Variants in UTP6 observed in about 807,000 individuals in gnomAD.
UTP6 encodes U3 small nucleolar RNA-associated protein 6 homolog.
In UTP6, 60 loss-of-function variants were observed where a neutral mutation model predicts 96.5. The observed-to-expected ratio is 0.62, with a 90% CI of 0.51 to 0.77. UTP6 has a LOEUF of 0.77. Ranked by LOEUF, UTP6 falls within the 30% of genes least tolerant of loss-of-function variation. The pLI, the probability that UTP6 is intolerant of heterozygous loss-of-function variation, is 0.00. For synonymous variants in UTP6, 215 were observed against 240.1 expected (o/e 0.90, Z 0.96); for missense variants, 637 against 706.5 (o/e 0.90, Z 1.12).
chr17:31,865,423 C>T lies in UTP6; in HGVS notation c.1579G>A (p.Ala527Thr). 1 of 1,613,956 alleles carries T rather than the reference C, an allele frequency of 6.2e-7. No individual in the cohort carries two copies. ...FEKEQESCNM[A>T]NIREYYERAL... ...CTCTCATAATATTCTCTTATGTTCG[C>T]CATATTGCAGGATTCCTGACAAAGA... Residue 527 changes from alanine to threonine, a missense_variant, in exon 18 of 19, where the codon GCG (alanine) becomes ACG (threonine). Coordinates refer to ENST00000261708, the MANE Select transcript of UTP6 (RefSeq NM_018428.3).
intron 16 of UTP6, among the ~76,000 whole-genome samples, chr17:31,871,403 C>G (rs1240587647): frequency 6.6e-6 from 1 of 152,088 alleles, no homozygotes; most frequent in African/African-American, 2.4e-5. Context: ...GATTAGAGGC[C>G]TTGAACCACC....
chr17:31,863,538 A>C (rs1909645623), intron 18 of UTP6, 22 bp from the exon 19 acceptor site: 1 of 1,581,888 alleles, frequency 6.3e-7, no homozygotes, highest in Admixed American at 1.8e-5. Context: ...AAAACATACA[A>C]TTAGATAACT....
chr17:31,866,270 G>C (rs1188005873), intron 17 of UTP6, among the ~76,000 whole-genome samples: 1 of 138,318 alleles, frequency 7.2e-6, no homozygotes, highest in Non-Finnish European at 1.5e-5. Context: ...CTGGGCGACA[G>C]AGCGAGACTC....
intron 2 of UTP6, among the ~76,000 whole-genome samples, chr17:31,898,941 A>T (rs1204488835): frequency 6.6e-6 from 1 of 151,884 alleles, no homozygotes; most frequent in Non-Finnish European, 1.5e-5. Context: ...ATGAGACTTG[A>T]GAATCACTAG....
chr17:31,892,637 T>G, intron 5 of UTP6, 110 bp downstream of exon 5: 1 of 1,349,786 alleles, frequency 7.4e-7, no homozygotes, highest in South Asian at 1.3e-5. Flanking sequence ...TCTTGGGTTC[T>G]TTTTTCATGT....
chr17:31,872,853 C>T lies in UTP6; in HGVS notation c.1496+525G>A, dbSNP rs537684681. The stretch of plus-strand genomic sequence containing the variant: ...GTCTCTACTAAATTACAAAATTAGC[C>T]GGGCGTGGTGTCACACATCTGTAAT... On this transcript the variant is annotated intron_variant, in intron 16 of 18. Transcript: ENST00000261708. 3.1e-4 allele frequency among the ~76,000 whole-genome samples: 46 copies of T among 148,524 alleles called. No homozygotes were observed. In the East Asian group the frequency reaches 7.9e-3, roughly 26 times the overall value.
At position 31,875,241 on chromosome 17, in the gene UTP6, T is replaced by A; in HGVS notation, c.1298A>T (p.Lys433Ile). The A allele has an allele frequency of 6.2e-7, 1 of 1,613,994 alleles. No individual in the cohort carries two copies. The highest frequency in any genetic ancestry group is 8.5e-7 in the Non-Finnish European group (1 of 1,179,978). ...MLFEEAFVHL[K>I]PQVCLPLWIS... ...AAGATCCAGCTCACTGACCTGGGGT[T>A]TCAGGTGCACAAAGGCTTCTTCAAA... is the stretch of plus-strand genomic sequence containing the variant. Residue 433 changes from lysine to isoleucine, a missense_variant, in exon 14 of 19, where the codon AAA (lysine) becomes ATA (isoleucine). Physicochemically the swap from Lys to Ile is moderately radical, Grantham distance 102 (BLOSUM62 -3). Coordinates refer to ENST00000261708, the MANE Select transcript of UTP6 (RefSeq NM_018428.3).
At position 31,878,575 on chromosome 17, in the gene UTP6, GGAGA is replaced by G. The variant is rs539191760; in HGVS notation, c.1047+123_1047+126del. 46 of 944,042 alleles carry G rather than the reference GGAGA, an allele frequency of 4.9e-5. No individual in the cohort carries two copies. The East Asian group carries it at 9.3e-4, about 19-fold the overall frequency. 58.5% of individuals were successfully genotyped at this position (944,042 alleles called of 1,614,324 possible). A position where few individuals can be genotyped will look rare whatever the true frequency, so the allele number is the denominator to read the frequency against. Reference sequence around the variant, plus strand: ...CTTTAGAATGTCACGTCACCCACAAGGAGAGAGAGAGTGGCTAAACATAAAAGTT... The same window carrying G: ...CTTTAGAATGTCACGTCACCCACAAGGAGAGAGTGGCTAAACATAAAAGTT... On this transcript the variant is annotated intron_variant, in intron 12 of 18. Transcript: ENST00000261708.
intron 10 of UTP6, among the ~76,000 whole-genome samples, chr17:31,883,870 T>C (rs1910984392): frequency 2.1e-5 from 2 of 97,048 alleles, no homozygotes; most frequent in African/African-American, 3.5e-5. Context: ...GGTTTCACCG[T>C]GTTGCCTAGG....
chr17:31,901,472 G>T, intron 1 of UTP6, 64 bp downstream of exon 1: 2 of 1,511,450 alleles, frequency 1.3e-6, no homozygotes, highest in Non-Finnish European at 1.8e-6. Context: ...TCTAGCCCCT[G>T]CCACACACTC....
At chr17:31,876,224 A>G (rs1488513276) in intron 13 of UTP6, among the ~76,000 whole-genome samples, 1 of 151,852 alleles carries the variant, frequency 6.6e-6, no homozygotes, top group African/African-American at 2.4e-5. Flanking sequence ...TTTAGTAGAA[A>G]TGGGGTTTCA....
chr17:31,901,033 T>A (rs1211392465), intron 1 of UTP6, among the ~76,000 whole-genome samples: 1 of 152,190 alleles, frequency 6.6e-6, no homozygotes, highest in African/African-American at 2.4e-5. Context: ...CTACTGAATG[T>A]CTACCATGTG....
rs1466265665 is a variant in UTP6 at position 31,892,459 on chromosome 17, G to A, written c.361-136C>T. The A allele has an allele frequency of 3.0e-5, 28 of 937,850 alleles. 1 individual carries two copies. Among genetic ancestry groups the A allele is most frequent in the South Asian group, 8.1e-5 (5 of 61,360 alleles). 58.1% of individuals were successfully genotyped at this position (937,850 alleles called of 1,614,324 possible). ...ATGCTATTGCTAGGGATATATAAAC[G>A]AACACAGACCCTCAAAATTTTCTAC... On this transcript the variant is annotated intron_variant, in intron 5 of 18. Transcript: ENST00000261708.
chr17:31,885,976 C>G lies in UTP6; in HGVS notation c.703+4G>C. 6.2e-7 allele frequency: 1 copy of G among 1,609,652 alleles called. No homozygotes were observed. The highest frequency in any genetic ancestry group is 8.5e-7 in the Non-Finnish European group (1 of 1,178,190). ...ACCAAAAATAATGTTCAAAAGATAC[C>G]TACCTTTAATTATGCTTACAGAATT... On this transcript the variant is annotated splice_donor_region_variant and intron_variant, in intron 9 of 18. Transcript: ENST00000261708.
Position 31,873,460 on chromosome 17 carries a change from C to T in UTP6, c.1414G>A (p.Asp472Asn), listed in dbSNP as rs1910305245. ...TACTTATTCTTCAGGGTTACTGAGT[C>T]GGCACCTATGACAGCTAAGAGAGCT... ...KKALLAVIGA[D>N]SVTLKNKYLD... The change falls in exon 16 of 19, where the codon GAC becomes AAC. Residue 472 changes from aspartate (D) to asparagine (N), a missense_variant. Coordinates refer to ENST00000261708, the MANE Select transcript of UTP6 (RefSeq NM_018428.3). The T allele has an allele frequency of 3.1e-6, 5 of 1,614,042 alleles. No individual in the cohort carries two copies. Among genetic ancestry groups the T allele is most frequent in the South Asian group, 1.1e-5 (1 of 91,064 alleles).
intron 1 of UTP6, chr17:31,901,310 G>C (rs1904966202): frequency 1.9e-6 from 1 of 536,950 alleles, no homozygotes; most frequent in South Asian, 2.3e-5. Context: ...CCTAAGACCC[G>C]GCTCCATGAA....
chr17:31,881,267 C>CTTTT (rs202102116), intron 10 of UTP6, among the ~76,000 whole-genome samples: 1 of 132,894 alleles, frequency 7.5e-6, no homozygotes, highest in Non-Finnish European at 1.6e-5. Context: ...CACTTTTTCA[C>CTTTT]TTTTTTTTTT....
intron 13 of UTP6, among the ~76,000 whole-genome samples, chr17:31,877,725 G>T (rs1271317747): frequency 6.6e-6 from 1 of 152,052 alleles, no homozygotes; most frequent in Non-Finnish European, 1.5e-5. Context: ...CCAGCACTTT[G>T]GGAGGCCGAG....
In UTP6 at chr17:31,863,366, T is replaced by C; in HGVS notation, c.1787A>G (p.His596Arg). ...TGACTGTATTCTTCATCTTCATAAA[T>C]GGCCAGTCTGATGCATAGCATGTTT... ...VAKHAMHQTG[H>R]L The change falls in exon 19 of 19, where the codon CAT (histidine) becomes CGT (arginine). Residue 596 changes from histidine to arginine, a missense_variant. His to Arg is a conservative substitution (Grantham distance 29). Transcript: ENST00000261708. 2 of 1,612,468 alleles carry C rather than the reference T, an allele frequency of 1.2e-6. No individual in the cohort carries two copies. The highest frequency in any genetic ancestry group is 1.7e-6 in the Non-Finnish European group (2 of 1,179,656).
Sources: allele counts gnomAD v4.1 joint callset (sites outside exome capture counted in the v4.1 genomes callset), GRCh38; gene constraint gnomAD v4.1.1; transcripts MANE v1.5; gene names NCBI Gene and HGNC (gene_info 2026-07-23, HGNC 2026-07-21).